The following CMTM8 variants were observed in gnomAD, a reference collection of about 807,000 sequenced individuals.
CMTM8 encodes the protein CKLF like MARVEL transmembrane domain containing 8, also known as CKLF-like MARVEL transmembrane domain-containing protein 8.
In CMTM8, 12 loss-of-function variants were observed where a neutral mutation model predicts 18.6. The ratio of observed to expected loss-of-function variants is 0.65; its 90% CI spans 0.41 to 1.05. The LOEUF (loss-of-function observed/expected upper bound fraction) is 1.05. CMTM8 is among the 50% of genes least tolerant of loss of function. The pLI is 0.00. For missense variants in CMTM8, 217 were observed against 227.2 expected, an observed-to-expected ratio of 0.95 and a Z score of 0.29; for synonymous variants, 87 against 90.6, an observed-to-expected ratio of 0.96 and a Z score of 0.23.
chr3:32,291,888 A>G (rs1055827622), intron 1 of CMTM8, among the ~76,000 whole-genome samples: 15 of 152,216 alleles, frequency 9.9e-5, no homozygotes, highest in Admixed American at 7.2e-4. Flanking sequence ...GCCACTCTGT[A>G]TAACTAGTTG....
intron 1 of CMTM8, among the ~76,000 whole-genome samples, chr3:32,281,626 T>C (rs1030637796): frequency 1.3e-5 from 2 of 152,172 alleles, no homozygotes; most frequent in Admixed American, 6.5e-5. Flanking sequence ...CAAAACTTCT[T>C]GAATGAGTTG....
chr3:32,336,554 A>G (rs532376665), intron 1 of CMTM8, among the ~76,000 whole-genome samples: 13 of 152,366 alleles, frequency 8.5e-5, no homozygotes, highest in Admixed American at 6.5e-4. Context: ...TCTCCATCAT[A>G]CAACTGTTGT....
At chr3:32,263,865 A>G (rs1161627596) in intron 1 of CMTM8, among the ~76,000 whole-genome samples, 1 of 152,214 alleles carries the variant, frequency 6.6e-6, no homozygotes, top group African/African-American at 2.4e-5. Context: ...GGAAGATCAA[A>G]TGAATGAAAT....
intron 1 of CMTM8, among the ~76,000 whole-genome samples, chr3:32,241,039 T>G (rs1286718548): frequency 6.6e-6 from 1 of 152,192 alleles, no homozygotes; most frequent in Non-Finnish European, 1.5e-5. Flanking sequence ...CCTCCTGCCT[T>G]GGCCTCCTAA....
intron 1 of CMTM8, among the ~76,000 whole-genome samples, chr3:32,272,251 T>G (rs1702450121): frequency 6.6e-6 from 1 of 152,198 alleles, no homozygotes; most frequent in Non-Finnish European, 1.5e-5. Flanking sequence ...AAATTTTTTG[T>G]CTTTGTATAC....
chr3:32,262,714 C>T (rs142182398), intron 1 of CMTM8, among the ~76,000 whole-genome samples: 73 of 152,220 alleles, frequency 4.8e-4, no homozygotes, highest in Admixed American at 1.7e-3. Context: ...AAAAATACAC[C>T]GAAGCTCTGT....
At chr3:32,351,372 A>G (rs1245064106) in intron 1 of CMTM8, among the ~76,000 whole-genome samples, 1 of 152,220 alleles carries the variant, frequency 6.6e-6, no homozygotes, top group African/African-American at 2.4e-5. Context: ...TTCTGTTGAG[A>G]ATGACCTTGC....
intron 2 of CMTM8, among the ~76,000 whole-genome samples, chr3:32,366,769 GTAAAC>G: frequency 6.6e-6 from 1 of 152,284 alleles, no homozygotes; most frequent in South Asian, 2.1e-4. Flanking sequence ...AGACCAAAAA[GTAAAC>G]AAAAGAACAC....
intron 1 of CMTM8, among the ~76,000 whole-genome samples, chr3:32,336,181 T>C (rs1335508982): frequency 6.6e-6 from 1 of 152,240 alleles, no homozygotes; most frequent in Non-Finnish European, 1.5e-5. Context: ...AGTTGTACAA[T>C]TGCATCTGAA....
chr3:32,330,414 G>C (rs1182611706), intron 1 of CMTM8, among the ~76,000 whole-genome samples: 2 of 152,084 alleles, frequency 1.3e-5, no homozygotes, highest in African/African-American at 4.8e-5. Flanking sequence ...TTGGGCTGTA[G>C]TGAACTATAA....
In CMTM8 at chr3:32,369,977, T is replaced by G; in HGVS notation, c.*10T>G. The G allele has an allele frequency of 6.6e-7, 1 of 1,524,194 alleles. No individual in the cohort carries two copies. The highest frequency in any genetic ancestry group is 2.3e-5 in the East Asian group (1 of 43,620). The allele number at this position is 1,524,194 out of a possible 1,614,324, so 94.4% of individuals were successfully genotyped here. ...CAGGACCATACAGTGATTTACCATT[T>G]TGATAATTAAAAGGAAAAAAAAAGG... On this transcript the variant is annotated 3_prime_UTR_variant, in exon 4 of 4. Coordinates refer to ENST00000307526, the MANE Select transcript of CMTM8 (RefSeq NM_178868.5).
chr3:32,314,370 G>T (rs2125572141), intron 1 of CMTM8, among the ~76,000 whole-genome samples: 1 of 152,290 alleles, frequency 6.6e-6, no homozygotes, highest in East Asian at 1.9e-4. Flanking sequence ...CAGAAATTGA[G>T]GGAGGGTTGA....
intron 1 of CMTM8, among the ~76,000 whole-genome samples, chr3:32,321,999 C>A (rs114546964): frequency 1.5e-3 from 231 of 152,366 alleles, no homozygotes; most frequent in African/African-American, 5.2e-3. Flanking sequence ...GCGCCACTGT[C>A]TGTCCTGTGA....
chr3:32,294,058 A>T (rs1376751249), intron 1 of CMTM8, among the ~76,000 whole-genome samples: 1 of 152,124 alleles, frequency 6.6e-6, no homozygotes, highest in East Asian at 1.9e-4. Flanking sequence ...TGGTACTCTT[A>T]TCAGCAGTGA....
intron 1 of CMTM8, among the ~76,000 whole-genome samples, chr3:32,303,138 T>C (rs1258440181): frequency 6.6e-6 from 1 of 152,234 alleles, no homozygotes; most frequent in African/African-American, 2.4e-5. Flanking sequence ...CAAATGTAGG[T>C]TGCAAATAAG....
intron 1 of CMTM8, among the ~76,000 whole-genome samples, chr3:32,286,656 T>G (rs1489852845): frequency 6.6e-6 from 1 of 152,166 alleles, no homozygotes; most frequent in Non-Finnish European, 1.5e-5. Context: ...GGCAGCTTGC[T>G]GTAGAGCAGG....
chr3:32,319,165 GC>G (rs1213866506), intron 1 of CMTM8, among the ~76,000 whole-genome samples: 1 of 139,656 alleles, frequency 7.2e-6, no homozygotes, highest in African/African-American at 2.7e-5. Context: ...TGCAACCTCT[GC>G]CTCTCGGGTT....
At chr3:32,323,108 A>G (rs904680612) in intron 1 of CMTM8, among the ~76,000 whole-genome samples, 1 of 152,138 alleles carries the variant, frequency 6.6e-6, no homozygotes, top group South Asian at 2.1e-4. Flanking sequence ...TGATATTCAG[A>G]TGCTTTGGTG....
At chr3:32,339,386 C>T (rs6783724) in intron 1 of CMTM8, among the ~76,000 whole-genome samples, 16,840 of 152,196 alleles carry the variant, frequency 0.11, 1,296 homozygotes, top group African/African-American at 0.21. Flanking sequence ...AGGAATCTTA[C>T]ACAGTTGGAC....
Sources: gnomAD v4.1 joint callset for allele counts (sites outside exome capture counted in the v4.1 genomes callset) on GRCh38, gnomAD v4.1.1 for gene constraint, MANE v1.5 for transcripts, NCBI Gene and HGNC (gene_info 2026-07-23, HGNC 2026-07-21) for gene names.